Variants in CNKSR3 observed in about 807,000 individuals in gnomAD.
CNKSR3 encodes CNKSR family member 3.
Under a neutral mutation model 67.7 loss-of-function variants are expected in CNKSR3, and 36 were observed. The ratio of observed to expected loss-of-function variants is 0.53; its 90% CI spans 0.41 to 0.70. The LOEUF (loss-of-function observed/expected upper bound fraction) is 0.70, where lower values mean the gene tolerates loss of function less well. CNKSR3 is among the 30% of genes least tolerant of loss of function. The probability of loss-of-function intolerance (pLI) is 0.00; values close to 1 mark genes in which losing one functional copy is unlikely to be tolerated. For synonymous variants in CNKSR3, 281 were observed against 271.4 expected, an observed-to-expected ratio of 1.04 and a Z score of -0.35; for missense variants, 630 against 695.2, an observed-to-expected ratio of 0.91 and a Z score of 1.05.
At chr6:154,438,672 C>T (rs938923580) in intron 4 of CNKSR3, among the ~76,000 whole-genome samples, 2 of 152,194 alleles carry the variant, frequency 1.3e-5, no homozygotes, top group East Asian at 3.8e-4. Flanking sequence ...ACTAGACTAA[C>T]CTCCCTCAGT....
chr6:154,407,114 A>T (rs1044892834), intron 12 of CNKSR3, among the ~76,000 whole-genome samples: 2 of 152,148 alleles, frequency 1.3e-5, no homozygotes, highest in African/African-American at 4.8e-5. Context: ...GGGCCCACCA[A>T]TGGGTGCTCT....
intron 1 of CNKSR3, among the ~76,000 whole-genome samples, chr6:154,450,665 G>C: frequency 6.6e-6 from 1 of 152,130 alleles, no homozygotes; most frequent in South Asian, 2.1e-4. Flanking sequence ...TGCCACAGTG[G>C]GTGGCACATG....
intron 4 of CNKSR3, among the ~76,000 whole-genome samples, chr6:154,435,979 G>A (rs10747284): frequency 0.4 from 60,829 of 152,048 alleles, 12,692 homozygotes; most frequent in Non-Finnish European, 0.47. Flanking sequence ...GATGGCACGC[G>A]TCAAGCGTGG....
At chr6:154,467,710 T>C (rs1786232951) in intron 1 of CNKSR3, among the ~76,000 whole-genome samples, 1 of 151,750 alleles carries the variant, frequency 6.6e-6, no homozygotes, top group African/African-American at 2.4e-5. Context: ...ACCATATAAC[T>C]ATGTAAAGTA....
intron 2 of CNKSR3, among the ~76,000 whole-genome samples, 177 bp downstream of exon 2, chr6:154,449,918 A>G (rs1364214045): frequency 7.3e-6 from 1 of 137,762 alleles, no homozygotes; most frequent in Non-Finnish European, 1.5e-5. Context: ...TAGTTTGCCA[A>G]CCTTTAATGT....
intron 1 of CNKSR3, among the ~76,000 whole-genome samples, chr6:154,492,908 C>T (rs1388502504): frequency 6.6e-6 from 1 of 152,204 alleles, no homozygotes; most frequent in African/African-American, 2.4e-5. Flanking sequence ...GTAAATCCTA[C>T]TGGCCTTTCA....
chr6:154,427,033 T>C (rs1217258555), intron 7 of CNKSR3, among the ~76,000 whole-genome samples: 1 of 152,198 alleles, frequency 6.6e-6, no homozygotes, highest in African/African-American at 2.4e-5. Flanking sequence ...TGTTATTGTC[T>C]AGGAGGTGAC....
At chr6:154,414,919 T>A (rs13205404) in intron 9 of CNKSR3, among the ~76,000 whole-genome samples, 60,985 of 151,332 alleles carry the variant, frequency 0.4, 12,765 homozygotes, top group African/African-American at 0.46. Context: ...AACATGGCGA[T>A]ACCCAGTCCC....
At chr6:154,454,082 A>AACACACACACACACAC (rs368097129) in intron 1 of CNKSR3, among the ~76,000 whole-genome samples, 26 of 78,272 alleles carry the variant, frequency 3.3e-4, no homozygotes, top group African/African-American at 1.5e-3. Flanking sequence ...GCAAGATGAA[A>AACACACACACACACAC]ACACACACAC....
rs371196741 is a variant in CNKSR3 at position 154,436,223 on chromosome 6, G to A, written c.508-2716C>T. Among the ~76,000 whole-genome samples, 18 of 152,346 alleles carry A rather than the reference G, an allele frequency of 1.2e-4. No individual in the cohort carries two copies. The South Asian group carries it at 3.7e-3, about 32-fold the overall frequency. ...GTCTCACTGTGTCACCCAGGCTGCA[G>A]TGCAGTGGCATGAACATGGCTCACT... is the stretch of plus-strand genomic sequence containing the variant. On this transcript the variant is annotated intron_variant, in intron 4 of 12. Coordinates refer to ENST00000607772, the MANE Select transcript of CNKSR3 (RefSeq NM_173515.4).
At chr6:154,413,619 T>C (rs1584054881) in intron 10 of CNKSR3, among the ~76,000 whole-genome samples, 2 of 152,268 alleles carry the variant, frequency 1.3e-5, no homozygotes, top group East Asian at 3.9e-4. Context: ...AAATACTTAT[T>C]ATCTACCCCC....
chr6:154,474,722 G>C (rs1196619052), intron 1 of CNKSR3, among the ~76,000 whole-genome samples: 1 of 152,190 alleles, frequency 6.6e-6, no homozygotes, highest in African/African-American at 2.4e-5. Flanking sequence ...GACAGGATGA[G>C]ATGATGGACT....
At chr6:154,457,909 T>C (rs1785993048) in intron 1 of CNKSR3, among the ~76,000 whole-genome samples, 1 of 152,190 alleles carries the variant, frequency 6.6e-6, no homozygotes, top group African/African-American at 2.4e-5. Flanking sequence ...CTCACCCTAC[T>C]GGTGAGGACA....
At position 154,388,205 on chromosome 6, in the gene CNKSR3, T is replaced by A. The variant is rs1175536909; in HGVS notation, c.*18149A>T. 1 of 152,222 alleles carries A rather than the reference T, an allele frequency of 6.6e-6. No homozygotes were observed. Among genetic ancestry groups the A allele is most frequent in the African/African-American group, 2.4e-5 (1 of 41,462 alleles). The allele number at this position is 152,222 out of a possible 1,614,324, so 9.4% of individuals were successfully genotyped here. On this transcript the variant is annotated 3_prime_UTR_variant, in exon 13 of 13. Transcript: ENST00000607772. ...CAGCCCCTGGCCACCATCATTTCAC[T>A]CTTTGGTTCTATGAAGTTGACTATT...
chr6:154,426,018 G>C (rs546106786), intron 7 of CNKSR3, among the ~76,000 whole-genome samples: 1 of 152,320 alleles, frequency 6.6e-6, no homozygotes, highest in Admixed American at 6.5e-5. Flanking sequence ...TCCCATGCTT[G>C]TCTAGAAGAC....
At chr6:154,505,313 G>C (rs1043002346) in intron 1 of CNKSR3, among the ~76,000 whole-genome samples, 1 of 148,950 alleles carries the variant, frequency 6.7e-6, no homozygotes, top group African/African-American at 2.5e-5. Context: ...AGACACGACA[G>C]GGAAAGAGCA....
intron 1 of CNKSR3, among the ~76,000 whole-genome samples, chr6:154,453,779 T>G (rs1785889740): frequency 6.6e-6 from 1 of 152,194 alleles, no homozygotes; most frequent in East Asian, 1.9e-4. Flanking sequence ...TAAACTGATC[T>G]AACAGTCTTA....
chr6:154,424,028 C>T (rs1436080353), intron 7 of CNKSR3, among the ~76,000 whole-genome samples: 1 of 152,020 alleles, frequency 6.6e-6, no homozygotes, highest in Non-Finnish European at 1.5e-5. Flanking sequence ...GTCAGGAGAT[C>T]GAGACCATCC....
chr6:154,442,929 G>A (rs192310797), intron 2 of CNKSR3, among the ~76,000 whole-genome samples: 302 of 151,860 alleles, frequency 2.0e-3, no homozygotes, highest in Admixed American at 6.0e-3. Context: ...TCACTGTGTC[G>A]CCCAGGCTGG....
Sources: allele counts gnomAD v4.1 joint callset (sites outside exome capture counted in the v4.1 genomes callset), GRCh38; gene constraint gnomAD v4.1.1; transcripts MANE v1.5; gene names NCBI Gene and HGNC (gene_info 2026-07-23, HGNC 2026-07-21).